DNM1L: variants seen among roughly 807,000 people sequenced by gnomAD.
DNM1L encodes the protein dynamin-1-like protein.
In DNM1L, 33 loss-of-function variants were observed where a neutral mutation model predicts 92.8. That is an observed-to-expected ratio of 0.36 (90% CI 0.27 to 0.48). The LOEUF (loss-of-function observed/expected upper bound fraction) is 0.48. Ranked by LOEUF, DNM1L falls within the 20% of genes least tolerant of loss-of-function variation. The probability of loss-of-function intolerance (pLI) is 0.99; values close to 1 mark genes in which losing one functional copy is unlikely to be tolerated. For synonymous variants in DNM1L, 284 were observed against 305.0 expected, an observed-to-expected ratio of 0.93 and a Z score of 0.72; for missense variants, 485 against 888.8, an observed-to-expected ratio of 0.55 and a Z score of 5.78.
At chr12:32,700,990 T>A (rs1237712445) in intron 1 of DNM1L, among the ~76,000 whole-genome samples, 1 of 152,040 alleles carries the variant, frequency 6.6e-6, no homozygotes. Context: ...ATTTAAAAAG[T>A]CTGTGGCCGG....
chr12:32,708,108 G>A, intron 3 of DNM1L, 45 bp from the exon 4 acceptor site: 1 of 1,196,262 alleles, frequency 8.4e-7, no homozygotes, highest in Non-Finnish European at 1.2e-6. Context: ...AAGAACTTTT[G>A]ATCTTATTTT....
chr12:32,720,284 C>A (rs1227558146), intron 7 of DNM1L, among the ~76,000 whole-genome samples: 2 of 152,098 alleles, frequency 1.3e-5, no homozygotes, highest in African/African-American at 4.8e-5. Flanking sequence ...GAAATTAGTT[C>A]CCTGTCCATG....
At position 32,720,685 on chromosome 12, in the gene DNM1L, C is replaced by T. The variant is rs138048932; in HGVS notation, c.762C>T (p.Asn254=). 6.2e-7 allele frequency: 1 copy of T among 1,613,778 alleles called. No individual in the cohort carries two copies. The highest frequency in any genetic ancestry group is 1.1e-5 in the South Asian group (1 of 91,066). Reference sequence around the variant, plus strand: ...TCAGGAGCCAGCTAGATATTAACAACAAGAAGAGTGTAACTGATTCAATCC... The same window carrying T: ...TCAGGAGCCAGCTAGATATTAACAATAAGAAGAGTGTAACTGATTCAATCC... ...VVNRSQLDIN[N]KKSVTDSIRD... Residue 254 remains asparagine, a synonymous_variant, in exon 8 of 20, where the codon AAC becomes AAT. Coordinates refer to ENST00000549701, the MANE Select transcript of DNM1L (RefSeq NM_012062.5).
At position 32,731,436 on chromosome 12, in the gene DNM1L, C is replaced by T; in HGVS notation, c.1281C>T (p.Pro427=). The T allele has an allele frequency of 6.2e-7, 1 of 1,614,112 alleles. No homozygotes were observed. ...GGCAAATCAAACGTCTAGAAGAGCC[C>T]AGCCTCCGCTGTGTGGAACTGGTTC... ...VKRQIKRLEE[P]SLRCVELVHE... is the part of the protein sequence containing the mutation. The change falls in exon 11 of 20, where the codon CCC becomes CCT. Residue 427 remains proline (P), a synonymous_variant. Coordinates refer to ENST00000549701, the MANE Select transcript of DNM1L (RefSeq NM_012062.5). The surrounding 1 kb of genome is among the most constrained non-coding windows in gnomAD (Gnocchi z 5.1).
At chr12:32,696,867 T>C (rs28715232) in intron 1 of DNM1L, among the ~76,000 whole-genome samples, 22,961 of 149,840 alleles carry the variant, frequency 0.15, 1,847 homozygotes, top group Middle Eastern at 0.21. Context: ...TCAAGTGATC[T>C]GCCCACCTCG....
intron 5 of DNM1L, 147 bp downstream of exon 5, chr12:32,711,162 T>C (rs539075518): frequency 2.8e-6 from 2 of 716,620 alleles, no homozygotes; most frequent in South Asian, 3.1e-5. Context: ...TGAAACACTT[T>C]CTTTACTTGG....
rs747314987 is a variant in DNM1L at position 32,731,540 on chromosome 12, C to T, written c.1356+29C>T. 6 of 1,612,838 alleles carry T rather than the reference C, an allele frequency of 3.7e-6. No individual in the cohort carries two copies. The African/African-American group carries it at 6.7e-5, about 18-fold the overall frequency. On this transcript the variant is annotated intron_variant, in intron 11 of 19. Transcript: ENST00000549701. The surrounding 1 kb of genome is among the most constrained non-coding windows in gnomAD (Gnocchi z 5.1). ...ACGGAGAGAAATGTAACAGGTTTCA[C>T]ATGAACTAGAAAAGGACATGAAGTG...
At position 32,739,834 on chromosome 12, in the gene DNM1L, AGTTG is replaced by A. The variant is rs895183003; in HGVS notation, c.1708-225_1708-222del. 5 of 543,602 alleles carry A rather than the reference AGTTG, an allele frequency of 9.2e-6. No homozygotes were observed. The Admixed American group carries it at 1.6e-4, about 17-fold the overall frequency. The allele number at this position is 543,602 out of a possible 1,614,324, so 33.7% of individuals were successfully genotyped here. ...GAAAAAAGGAATTAAATAGAACATA[AGTTG>A]GTTGATGCCTTGCAAACAACTTAGA... On this transcript the variant is annotated intron_variant, in intron 16 of 19. Coordinates refer to ENST00000549701, the MANE Select transcript of DNM1L (RefSeq NM_012062.5).
intron 1 of DNM1L, among the ~76,000 whole-genome samples, chr12:32,687,213 G>A (rs1475268834): frequency 5.3e-5 from 8 of 151,932 alleles, no homozygotes; most frequent in African/African-American, 1.2e-4. Flanking sequence ...ATCCAAAGCC[G>A]TGAAGATTTT....
At chr12:32,707,871 A>G (rs1040495149) in intron 3 of DNM1L, among the ~76,000 whole-genome samples, 1 of 151,610 alleles carries the variant, frequency 6.6e-6, no homozygotes, top group African/African-American at 2.4e-5. Context: ...GGATGGCTTG[A>G]GGATGTGAGG....
At chr12:32,688,222 C>T (rs1419903625) in intron 1 of DNM1L, among the ~76,000 whole-genome samples, 1 of 152,132 alleles carries the variant, frequency 6.6e-6, no homozygotes, top group Non-Finnish European at 1.5e-5. Context: ...ACTGTGTGGG[C>T]CCCGTATGAA....
chr12:32,689,715 A>T (rs182816535), intron 1 of DNM1L, among the ~76,000 whole-genome samples: 1 of 152,366 alleles, frequency 6.6e-6, no homozygotes, highest in African/African-American at 2.4e-5. Flanking sequence ...TAGAAGTTGA[A>T]TAAGGGATCA....
intron 2 of DNM1L, among the ~76,000 whole-genome samples, 188 bp downstream of exon 2, chr12:32,701,750 G>A (rs868794391): frequency 1.3e-5 from 2 of 151,614 alleles, no homozygotes; most frequent in African/African-American, 2.4e-5. Context: ...TTTTTGAGAC[G>A]GAGGTCTTAC....
chr12:32,723,693 CA>C (rs1172541097), intron 9 of DNM1L, among the ~76,000 whole-genome samples: 3,057 of 56,004 alleles, frequency 0.055, 52 homozygotes, highest in African/African-American at 0.16. Flanking sequence ...GACTCTGTCT[CA>C]AAAAAAAAAA....
At chr12:32,713,178 T>C in intron 5 of DNM1L, 31 bp from the exon 6 acceptor site, 1 of 1,612,654 alleles carries the variant, frequency 6.2e-7, no homozygotes. Context: ...TTTTTAATTA[T>C]TAGTTCCTTG....
chr12:32,718,086 TTA>T (rs1033252127), intron 6 of DNM1L, among the ~76,000 whole-genome samples: 1 of 134,512 alleles, frequency 7.4e-6, no homozygotes, highest in Non-Finnish European at 1.5e-5. Flanking sequence ...TATACATATT[TTA>T]TATATATACT....
At chr12:32,718,154 A>C (rs1254361278) in intron 6 of DNM1L, among the ~76,000 whole-genome samples, 1 of 143,972 alleles carries the variant, frequency 6.9e-6, no homozygotes, top group Non-Finnish European at 1.5e-5. Flanking sequence ...GTATATATAT[A>C]TATTTTAGAT....
At chr12:32,703,052 TC>T (rs1952775637) in intron 2 of DNM1L, among the ~76,000 whole-genome samples, 1 of 146,908 alleles carries the variant, frequency 6.8e-6, no homozygotes, top group African/African-American at 2.5e-5. Flanking sequence ...TCTTTCTCTC[TC>T]TCTCTTTTTT....
intron 1 of DNM1L, among the ~76,000 whole-genome samples, chr12:32,701,073 G>A (rs1355643505): frequency 6.6e-6 from 1 of 152,080 alleles, no homozygotes; most frequent in Admixed American, 6.5e-5. Context: ...TCGGGAGTTC[G>A]AGACCAGCCT....
Sources: gnomAD v4.1 joint callset for allele counts (sites outside exome capture counted in the v4.1 genomes callset) on GRCh38, gnomAD v4.1.1 for gene constraint, Gnocchi (gnomAD v3.1) non-coding constraint, MANE v1.5 for transcripts, NCBI Gene and HGNC (gene_info 2026-07-23, HGNC 2026-07-21) for gene names.